Variants in KALRN observed in about 807,000 individuals in gnomAD.
The protein encoded by KALRN is kalirin RhoGEF kinase.
KALRN carries 70 observed loss-of-function variants against 353.7 expected under a neutral mutation model. That is an observed-to-expected ratio of 0.20 (90% CI 0.16 to 0.24). The LOEUF (loss-of-function observed/expected upper bound fraction) is 0.24, where lower values mean the gene tolerates loss of function less well. KALRN is among the 10% of genes least tolerant of loss of function. The pLI, the probability that KALRN is intolerant of heterozygous loss-of-function variation, is 1.00. For missense variants in KALRN, 2,791 were observed against 3,756.7 expected (o/e 0.74, Z 6.72); for synonymous variants, 1,391 against 1,434.8 (o/e 0.97, Z 0.69).
rs542896078 is a variant in KALRN, at chr3:124,725,378, C to T, written c.*5908C>T. 1 of 152,126 alleles carries T rather than the reference C, an allele frequency of 6.6e-6. No homozygotes were observed. Among genetic ancestry groups the T allele is most frequent in the Non-Finnish European group, 1.5e-5 (1 of 68,002 alleles). 9.4% of individuals were successfully genotyped at this position (152,126 alleles called of 1,614,324 possible). ...CTAGTAGTTAGAACAAATATGAAGA[C>T]TGAAAAAAACTAAACATACTCTTCA... On this transcript the variant is annotated 3_prime_UTR_variant, in exon 60 of 60. Coordinates refer to ENST00000682506, the MANE Select transcript of KALRN (RefSeq NM_001388419.1).
At chr3:124,642,199 G>T (rs141401130) in intron 37 of KALRN, among the ~76,000 whole-genome samples, 1 of 152,050 alleles carries the variant, frequency 6.6e-6, no homozygotes, top group Non-Finnish European at 1.5e-5. Flanking sequence ...CATAAGAATC[G>T]CTTGAACTCG....
intron 53 of KALRN, among the ~76,000 whole-genome samples, chr3:124,695,637 A>G (rs756102059): frequency 1.3e-5 from 2 of 152,160 alleles, no homozygotes; most frequent in African/African-American, 2.4e-5. Flanking sequence ...GTTATCATTT[A>G]GGTGATGGAA....
chr3:124,607,295 A>G (rs1286082812), intron 34 of KALRN, among the ~76,000 whole-genome samples: 1 of 122,142 alleles, frequency 8.2e-6, no homozygotes. Context: ...ATACAGAACC[A>G]TTCAACGACA....
rs919741436 is a variant in KALRN, at chr3:124,406,744, A to G, written c.2347-6726A>G. Among the ~76,000 whole-genome samples the G allele has an allele frequency of 2.0e-5, 3 of 151,932 alleles. No homozygotes were observed. The East Asian group carries it at 5.8e-4, about 29-fold the overall frequency. On this transcript the variant is annotated intron_variant, in intron 13 of 59. Coordinates refer to ENST00000682506, the MANE Select transcript of KALRN (RefSeq NM_001388419.1). The stretch of plus-strand genomic sequence containing the variant: ...CTGAGAGACAGTAATGCCGTGATCA[A>G]GTGTGTAGTATTTTGAGTTAGACTG...
intron 34 of KALRN, among the ~76,000 whole-genome samples, chr3:124,617,992 G>A (rs1252405088): frequency 1.3e-5 from 2 of 150,980 alleles, no homozygotes; most frequent in Admixed American, 6.6e-5. Flanking sequence ...ACTGGGGGCA[G>A]AGAGACAGTC....
At chr3:124,371,083 C>T (rs565382977) in intron 10 of KALRN, among the ~76,000 whole-genome samples, 2 of 152,244 alleles carry the variant, frequency 1.3e-5, no homozygotes, top group African/African-American at 4.8e-5. Context: ...TGATGTTTGT[C>T]CTTGCTTCAA....
intron 1 of KALRN, among the ~76,000 whole-genome samples, chr3:124,042,252 G>C (rs2040028921): frequency 6.6e-6 from 1 of 152,198 alleles, no homozygotes; most frequent in African/African-American, 2.4e-5. Context: ...GACTCAGGAG[G>C]TGGCAACCAG....
chr3:124,694,629 C>T (rs745683001), intron 53 of KALRN, 126 bp downstream of exon 53: 2 of 914,826 alleles, frequency 2.2e-6, no homozygotes, highest in Non-Finnish European at 3.3e-6. Context: ...GCCCTGGAGC[C>T]TGTTCTTGGG....
chr3:124,593,123 GCTCT>G lies in KALRN; in HGVS notation c.5182+30040_5182+30043del, dbSNP rs2075968010. On this transcript the variant is annotated intron_variant, in intron 34 of 59. Coordinates refer to ENST00000682506, the MANE Select transcript of KALRN (RefSeq NM_001388419.1). Reference sequence around the variant, plus strand: ...AGCTGTCAGGATATTCTCAGTTTCTGCTCTCTCTCCATGAGAATCTTCATATTGC... The same window carrying G: ...AGCTGTCAGGATATTCTCAGTTTCTGCTCTCCATGAGAATCTTCATATTGC... Among the ~76,000 whole-genome samples, 3 of 152,228 alleles carry G rather than the reference GCTCT, an allele frequency of 2.0e-5. No individual in the cohort carries two copies. In the South Asian group the frequency reaches 6.2e-4, roughly 32 times the overall value.
At chr3:124,122,287 C>T (rs1199956783) in intron 1 of KALRN, among the ~76,000 whole-genome samples, 1 of 151,994 alleles carries the variant, frequency 6.6e-6, no homozygotes. Flanking sequence ...ACTCTGAGGT[C>T]CTGATCTGCT....
At chr3:124,361,928 C>T (rs902999403) in intron 10 of KALRN, among the ~76,000 whole-genome samples, 2 of 152,012 alleles carry the variant, frequency 1.3e-5, no homozygotes, top group African/African-American at 4.8e-5. Context: ...CCTCCTTCTC[C>T]TCTTCCTCTT....
At chr3:124,506,172 G>A (rs1030261798) in intron 33 of KALRN, among the ~76,000 whole-genome samples, 1 of 152,230 alleles carries the variant, frequency 6.6e-6, no homozygotes, top group South Asian at 2.1e-4. Context: ...TGCCAGTTAA[G>A]GGCACCTTGC....
In KALRN at chr3:124,693,694, G is replaced by A. The variant is rs2061928368; in HGVS notation, c.7378-110G>A. On this transcript the variant is annotated intron_variant, in intron 51 of 59. Transcript: ENST00000682506. ...CAACACAGTGGGAAGTTGGGCTCCA[G>A]GCCTCATCTCCCTAAATTGTACTTT... 14 of 647,280 alleles carry A rather than the reference G, an allele frequency of 2.2e-5. No individual in the cohort carries two copies. The East Asian group carries it at 4.0e-4, about 19-fold the overall frequency. The allele number at this position is 647,280 out of a possible 1,614,324, so 40.1% of individuals were successfully genotyped here.
At chr3:124,652,619 CA>C (rs1336401223) in intron 38 of KALRN, among the ~76,000 whole-genome samples, 2 of 152,170 alleles carry the variant, frequency 1.3e-5, no homozygotes, top group African/African-American at 4.8e-5. Context: ...CTCTTTTGCC[CA>C]GGCCAGAGTG....
intron 47 of KALRN, among the ~76,000 whole-genome samples, chr3:124,668,080 A>G (rs1452198878): frequency 6.8e-6 from 1 of 146,946 alleles, no homozygotes; most frequent in African/African-American, 2.5e-5. Flanking sequence ...ACACACACAC[A>G]CACACACACA....
intron 4 of KALRN, among the ~76,000 whole-genome samples, chr3:124,266,046 C>T (rs1167389405): frequency 3.9e-5 from 6 of 152,030 alleles, no homozygotes; most frequent in African/African-American, 1.2e-4. Flanking sequence ...ACCCGGGAGG[C>T]GGAGGTTGCA....
intron 1 of KALRN, among the ~76,000 whole-genome samples, chr3:124,211,819 TC>T (rs2076924097): frequency 6.6e-6 from 1 of 152,144 alleles, no homozygotes; most frequent in Non-Finnish European, 1.5e-5. Flanking sequence ...GCTACTTGCT[TC>T]CCCTTCTGTG....
In KALRN at chr3:124,589,163, C is replaced by T. The variant is rs145965216; in HGVS notation, c.5182+26074C>T. On this transcript the variant is annotated intron_variant, in intron 34 of 59. Transcript: ENST00000682506. ...TTGTTCCAGAATTCTCAGCCAGAAACCTTATGACTTGACGTAAATATCTCT... is the reference window on the plus strand; with the variant it reads ...TTGTTCCAGAATTCTCAGCCAGAAATCTTATGACTTGACGTAAATATCTCT... Among the ~76,000 whole-genome samples the T allele has an allele frequency of 5.9e-5, 9 of 152,314 alleles. No homozygotes were observed. In the East Asian group the frequency reaches 1.7e-3, roughly 29 times the overall value.
intron 8 of KALRN, among the ~76,000 whole-genome samples, chr3:124,333,836 C>G (rs559955207): frequency 6.6e-6 from 1 of 152,044 alleles, no homozygotes; most frequent in African/African-American, 2.4e-5. Context: ...TGCAGTGAGC[C>G]GAGATCGCAC....
Sources: allele counts gnomAD v4.1 joint callset (sites outside exome capture counted in the v4.1 genomes callset), GRCh38; gene constraint gnomAD v4.1.1; transcripts MANE v1.5; gene names NCBI Gene and HGNC (gene_info 2026-07-23, HGNC 2026-07-21).